ZZEF1: variants seen among roughly 807,000 people sequenced by gnomAD.
ZZEF1 encodes zinc finger ZZ-type and EF-hand domain containing 1, also known as zinc finger ZZ-type and EF-hand domain-containing protein 1.
ZZEF1 carries 157 observed loss-of-function variants against 342.8 expected under a neutral mutation model. The observed-to-expected ratio is 0.46, with a 90% confidence interval of 0.40 to 0.52. ZZEF1 has a LOEUF of 0.52. Among genes scored for constraint, ZZEF1 ranks in the 20% least tolerant of loss-of-function variants. The pLI is 0.00. For missense variants in ZZEF1, 3,480 were observed against 3,725.6 expected (o/e 0.93, Z 1.72); for synonymous variants, 1,505 against 1,429.1 (o/e 1.05, Z -1.20).
chr17:4,142,571 C>A lies in ZZEF1; in HGVS notation c.325G>T (p.Ala109Ser), dbSNP rs752666549. ...QFRELLEARG[A>S]GCSSEQFEEA... ...TCGAACTGCTCGCTAGAGCAGCCGG[C>A]GCCGCGAGCCTCCAGCAGCTCCCGG... The change falls in exon 1 of 55, where the codon GCC (alanine) becomes TCC (serine). Residue 109 changes from alanine to serine, a missense_variant. Physicochemically the swap from Ala to Ser is moderately conservative, Grantham distance 99. Coordinates refer to ENST00000381638, the MANE Select transcript of ZZEF1 (RefSeq NM_015113.4). The A allele has an allele frequency of 6.2e-7, 1 of 1,603,330 alleles. No homozygotes were observed. The highest frequency in any genetic ancestry group is 1.7e-5 in the Admixed American group (1 of 59,970).
At chr17:4,115,558 G>A (rs1466260360) in intron 3 of ZZEF1, among the ~76,000 whole-genome samples, 2 of 152,122 alleles carry the variant, frequency 1.3e-5, no homozygotes, top group East Asian at 3.8e-4. Flanking sequence ...AGTTACTCAG[G>A]AGGCTAAAGC....
intron 37 of ZZEF1, among the ~76,000 whole-genome samples, chr17:4,047,179 G>A (rs1031360398): frequency 1.2e-4 from 18 of 152,292 alleles, no homozygotes; most frequent in South Asian, 1.0e-3. Context: ...GACCTCTTTG[G>A]AAAAAGTCCC....
In ZZEF1 at chr17:4,053,957, C is replaced by CT. The variant is rs3215255; in HGVS notation, c.5434+99dup. ...TCAGAGAAAATACCACTGGGCAGTA[C>CT]TTTGATTTAGTACACTGAGAGTTTT... On this transcript the variant is annotated intron_variant, in intron 34 of 54. Coordinates refer to ENST00000381638, the MANE Select transcript of ZZEF1 (RefSeq NM_015113.4). The CT allele has an allele frequency of 1.5e-3, 2,114 of 1,374,364 alleles. 42 individuals carry two copies. The East Asian group carries it at 0.042, about 28-fold the overall frequency. The allele number at this position is 1,374,364 out of a possible 1,614,324, so 85.1% of individuals were successfully genotyped here.
chr17:4,135,634 G>A (rs1248884875), intron 1 of ZZEF1, among the ~76,000 whole-genome samples: 1 of 152,098 alleles, frequency 6.6e-6, no homozygotes, highest in Non-Finnish European at 1.5e-5. Flanking sequence ...CTGAAAACCT[G>A]CCTCCCCAAA....
chr17:4,112,826 C>T lies in ZZEF1; in HGVS notation c.867-18G>A. On this transcript the variant is annotated intron_variant, in intron 4 of 54. Transcript: ENST00000381638. ...TTTTTAAACTGGAAAACACAAAAAG[C>T]AGAAATTACAAATGTTTATAGGAGT... 6.5e-7 allele frequency: 1 copy of T among 1,538,842 alleles called. No homozygotes were observed. Among genetic ancestry groups the T allele is most frequent in the Non-Finnish European group, 8.7e-7 (1 of 1,142,930 alleles).
Position 4,049,723 on chromosome 17 carries a change from C to G in ZZEF1, c.6000G>C (p.Leu2000=). Residue 2000 remains leucine (L), a synonymous_variant, in exon 37 of 55, where the codon CTG becomes CTC. Transcript: ENST00000381638. The stretch of plus-strand genomic sequence containing the variant: ...CGTCATTTACATTGCCTGCTTCTGA[C>G]AGCTCAGCACCCTGGACAGCTTTCT... ...LEKKAVQGAE[L]SEAGNGKRAV... 1 of 1,614,058 alleles carries G rather than the reference C, an allele frequency of 6.2e-7. No individual in the cohort carries two copies. Among genetic ancestry groups the G allele is most frequent in the Non-Finnish European group, 8.5e-7 (1 of 1,180,008 alleles).
chr17:4,092,084 A>AT (rs1356357277), intron 11 of ZZEF1, among the ~76,000 whole-genome samples: 207 of 47,064 alleles, frequency 4.4e-3, no homozygotes, highest in Middle Eastern at 0.038. Context: ...CTCAAAAAAA[A>AT]AAAAAATAAT....
intron 9 of ZZEF1, among the ~76,000 whole-genome samples, chr17:4,101,646 AAACAGAGTCTCGCT>A (rs1185104215): frequency 6.6e-6 from 1 of 152,132 alleles, no homozygotes; most frequent in Non-Finnish European, 1.5e-5. Flanking sequence ...TGTTTTTTTG[AAACAGAGTCTCGCT>A]CTGTCACCCA....
intron 4 of ZZEF1, among the ~76,000 whole-genome samples, chr17:4,113,374 C>T (rs755159924): frequency 1.1e-4 from 16 of 152,308 alleles, no homozygotes; most frequent in Non-Finnish European, 1.9e-4. Context: ...AACTCAGTTA[C>T]ATACAGTGAA....
intron 38 of ZZEF1, among the ~76,000 whole-genome samples, chr17:4,042,829 G>C (rs1030206373): frequency 1.3e-5 from 2 of 152,174 alleles, no homozygotes; most frequent in Admixed American, 1.3e-4. Flanking sequence ...TTACAGGCGT[G>C]CGCCACCTTG....
At chr17:4,082,008 C>G (rs559217563) in intron 17 of ZZEF1, among the ~76,000 whole-genome samples, 5 of 152,164 alleles carry the variant, frequency 3.3e-5, no homozygotes, top group African/African-American at 4.8e-5. Context: ...AGTAATGAAG[C>G]CTGTAGGCCC....
chr17:4,079,194 G>A (rs555967275), intron 18 of ZZEF1, among the ~76,000 whole-genome samples: 6 of 152,300 alleles, frequency 3.9e-5, no homozygotes, highest in East Asian at 1.9e-4. Flanking sequence ...AAACAGCCCC[G>A]GTTTCAGTCC....
chr17:4,102,544 C>G, intron 8 of ZZEF1, 129 bp from the exon 9 acceptor site: 3 of 722,218 alleles, frequency 4.2e-6, no homozygotes, highest in Non-Finnish European at 7.0e-6. Flanking sequence ...TGTTTAAAAG[C>G]TGAAATAGAG....
In ZZEF1 at chr17:4,042,925, G is replaced by A. The variant is rs1337576529; in HGVS notation, c.6167-357C>T. Among the ~76,000 whole-genome samples the A allele has an allele frequency of 2.6e-5, 4 of 152,092 alleles. No individual in the cohort carries two copies. The East Asian group carries it at 7.7e-4, about 29-fold the overall frequency. On this transcript the variant is annotated intron_variant, in intron 38 of 54. Transcript: ENST00000381638. Reference sequence around the variant, plus strand: ...TCGAACTCTTGACCTCAAGTGATCCGCCCACCTTGGCCTCTCAAAGTGCTG... The same window carrying A: ...TCGAACTCTTGACCTCAAGTGATCCACCCACCTTGGCCTCTCAAAGTGCTG...
chr17:4,015,124 G>A (rs992176896), intron 49 of ZZEF1, among the ~76,000 whole-genome samples: 5 of 152,160 alleles, frequency 3.3e-5, no homozygotes, highest in Admixed American at 3.3e-4. Flanking sequence ...GCTGGGCTGA[G>A]GCAAAAGTGA....
At chr17:4,117,204 G>A (rs777636110) in intron 2 of ZZEF1, 38 bp from the exon 3 acceptor site, 59 of 1,557,328 alleles carry the variant, frequency 3.8e-5, no homozygotes, top group African/African-American at 3.0e-4. Flanking sequence ...TTTTGGGGAA[G>A]CCACAGTAGT....
At chr17:4,035,260 T>C (rs1366953778) in intron 39 of ZZEF1, among the ~76,000 whole-genome samples, 1 of 152,200 alleles carries the variant, frequency 6.6e-6, no homozygotes, top group Non-Finnish European at 1.5e-5. Context: ...TTACAATGTC[T>C]GAGTTGTTAT....
chr17:4,017,175 G>T lies in ZZEF1; in HGVS notation c.8001+196C>A. On this transcript the variant is annotated intron_variant, in intron 48 of 54. Coordinates refer to ENST00000381638, the MANE Select transcript of ZZEF1 (RefSeq NM_015113.4). This position sits in a 1 kb window ranked among gnomAD's most constrained non-coding sequence, Gnocchi z 5.1. ...GCTTTCTGGTTCAGCTGGAAATCGC[G>T]CTCAGGGCCCCTGAGTTCCTCACTA... 3 of 682,622 alleles carry T rather than the reference G, an allele frequency of 4.4e-6. No individual in the cohort carries two copies. The highest frequency in any genetic ancestry group is 6.9e-6 in the Non-Finnish European group (3 of 434,860). 42.3% of individuals were successfully genotyped at this position (682,622 alleles called of 1,614,324 possible).
At chr17:4,024,195 T>TG (rs199567797) in intron 43 of ZZEF1, among the ~76,000 whole-genome samples, 2,327 of 127,832 alleles carry the variant, frequency 0.018, 119 homozygotes, top group African/African-American at 0.087. Context: ...GGTTTTTTTT[T>TG]TTTTTTTTTT....
Sources: allele counts gnomAD v4.1 joint callset (sites outside exome capture counted in the v4.1 genomes callset), GRCh38; gene constraint gnomAD v4.1.1; non-coding constraint Gnocchi (gnomAD v3.1); transcripts MANE v1.5; gene names NCBI Gene and HGNC (gene_info 2026-07-23, HGNC 2026-07-21).